The following WWOX variants were observed in gnomAD, a reference collection of about 807,000 sequenced individuals.
WWOX encodes WW domain-containing oxidoreductase.
A neutral mutation model predicts 46.2 loss-of-function variants in WWOX; 69 were observed. The ratio of observed to expected loss-of-function variants is 1.49; its 90% CI spans 1.23 to 1.82. The LOEUF is 1.82. WWOX is among the 40% of genes most tolerant of loss of function. WWOX has a pLI of 0.00. For synonymous variants in WWOX, 359 were observed against 202.6 expected, an observed-to-expected ratio of 1.77 and a Z score of -6.56; for missense variants, 919 against 542.6, an observed-to-expected ratio of 1.69 and a Z score of -6.89.
At chr16:78,434,584 G>A (rs28405739) in intron 8 of WWOX, among the ~76,000 whole-genome samples, 1 of 152,012 alleles carries the variant, frequency 6.6e-6, no homozygotes. Flanking sequence ...AACAAGCCCA[G>A]TCAACCATCA....
intron 8 of WWOX, among the ~76,000 whole-genome samples, chr16:78,530,945 G>C (rs1169166861): frequency 1.3e-5 from 2 of 152,088 alleles, no homozygotes; most frequent in Non-Finnish European, 2.9e-5. Flanking sequence ...CTTAGTTGAG[G>C]GATGAAAAAA....
intron 8 of WWOX, among the ~76,000 whole-genome samples, chr16:78,971,795 A>T (rs2046476218): frequency 6.7e-6 from 1 of 148,192 alleles, no homozygotes; most frequent in South Asian, 2.1e-4. Context: ...GGATTTTCAC[A>T]TGCACATCTG....
At chr16:78,648,146 C>G (rs2046885715) in intron 8 of WWOX, among the ~76,000 whole-genome samples, 1 of 152,214 alleles carries the variant, frequency 6.6e-6, no homozygotes, top group African/African-American at 2.4e-5. Context: ...TGACTGAATA[C>G]ATTACCACCT....
intron 8 of WWOX, among the ~76,000 whole-genome samples, chr16:79,013,524 C>G (rs2047354009): frequency 2.0e-5 from 3 of 152,158 alleles, no homozygotes; most frequent in Admixed American, 2.0e-4. Context: ...CAGGCGTGTG[C>G]AACAGGGACA....
At chr16:78,497,956 A>C (rs915265220) in intron 8 of WWOX, among the ~76,000 whole-genome samples, 10 of 152,110 alleles carry the variant, frequency 6.6e-5, no homozygotes, top group African/African-American at 2.4e-4. Flanking sequence ...TAATGACAGC[A>C]CTTTGGGAGG....
intron 8 of WWOX, among the ~76,000 whole-genome samples, chr16:78,997,111 A>G (rs571603556): frequency 2.7e-5 from 4 of 150,520 alleles, no homozygotes; most frequent in South Asian, 4.3e-4. Flanking sequence ...CTGCTCTTCA[A>G]TGTAGACATA....
At chr16:78,567,211 G>GACC (rs2044590987) in intron 8 of WWOX, among the ~76,000 whole-genome samples, 1 of 152,178 alleles carries the variant, frequency 6.6e-6, no homozygotes. Context: ...CTTTCCCAAA[G>GACC]CTGAGCTGCC....
intron 8 of WWOX, among the ~76,000 whole-genome samples, chr16:78,928,905 C>T (rs1420444765): frequency 6.6e-6 from 1 of 152,076 alleles, no homozygotes; most frequent in Non-Finnish European, 1.5e-5. Context: ...CAGTATTTTC[C>T]CCTAACAATA....
intron 8 of WWOX, among the ~76,000 whole-genome samples, chr16:78,438,456 C>T (rs922317382): frequency 7.2e-6 from 1 of 139,032 alleles, no homozygotes; most frequent in African/African-American, 3.1e-5. Flanking sequence ...CCGCCAACCC[C>T]ACCTTTTTTT....
At chr16:78,871,161 T>A (rs562061884) in intron 8 of WWOX, among the ~76,000 whole-genome samples, 10 of 149,820 alleles carry the variant, frequency 6.7e-5, no homozygotes, top group Non-Finnish European at 1.0e-4. Flanking sequence ...ATTCCCAACT[T>A]TCGTGAAGGT....
intron 8 of WWOX, among the ~76,000 whole-genome samples, chr16:79,116,773 G>C (rs777949413): frequency 6.6e-6 from 1 of 151,708 alleles, no homozygotes; most frequent in Non-Finnish European, 1.5e-5. Flanking sequence ...CATGAATCAC[G>C]AATGTTCTTA....
intron 8 of WWOX, among the ~76,000 whole-genome samples, chr16:79,182,674 G>A (rs946743938): frequency 2.6e-5 from 4 of 152,116 alleles, no homozygotes; most frequent in South Asian, 2.1e-4. Flanking sequence ...TTGTGACACC[G>A]GGCAAGTTAT....
rs2034148235 is a variant in WWOX at position 78,144,942 on chromosome 16, CT to C, written c.410-19240del. 2.0e-5 allele frequency among the ~76,000 whole-genome samples: 3 copies of C among 152,268 alleles called. No individual in the cohort carries two copies. The South Asian group carries it at 6.2e-4, about 32-fold the overall frequency. ...TTATTTTATTCAATTTTCCTAACAG[CT>C]CTTAAGAGTACATCTTATTATTCCC... On this transcript the variant is annotated intron_variant, in intron 4 of 8. Coordinates refer to ENST00000566780, the MANE Select transcript of WWOX (RefSeq NM_016373.4).
intron 8 of WWOX, among the ~76,000 whole-genome samples, chr16:78,442,898 G>C (rs1030195111): frequency 1.3e-5 from 2 of 151,994 alleles, no homozygotes; most frequent in African/African-American, 4.8e-5. Flanking sequence ...CGAGCCGGGC[G>C]AATCACGAGG....
intron 7 of WWOX, 40 bp from the exon 8 acceptor site, chr16:78,432,448 C>G: frequency 1.2e-6 from 2 of 1,609,946 alleles, no homozygotes; most frequent in Non-Finnish European, 1.7e-6. Flanking sequence ...TGTGGGAAGT[C>G]AGAACTTGGT....
chr16:78,876,991 G>A (rs1332227949), intron 8 of WWOX, among the ~76,000 whole-genome samples: 2 of 152,132 alleles, frequency 1.3e-5, no homozygotes, highest in Non-Finnish European at 2.9e-5. Flanking sequence ...TGCCTGTTAA[G>A]TTAACTGGTT....
rs113146422 is a variant in WWOX at position 78,282,457 on chromosome 16, C to G, written c.517-104403C>G. ...CACTGCATTAAGAGCATTCCTGTTT[C>G]CATCTCATTGATACCTGCCTTGCGT... On this transcript the variant is annotated intron_variant, in intron 5 of 8. Transcript: ENST00000566780. Among the ~76,000 whole-genome samples the G allele has an allele frequency of 2.0e-3, 308 of 152,288 alleles. 2 individuals are homozygous for G. Among genetic ancestry groups the G allele is most frequent in the African/African-American group, 6.9e-3 (288 of 41,570 alleles).
chr16:78,330,052 C>T (rs1371434696), intron 5 of WWOX, among the ~76,000 whole-genome samples: 1 of 152,086 alleles, frequency 6.6e-6, no homozygotes, highest in Non-Finnish European at 1.5e-5. Flanking sequence ...CTGCCTGGTG[C>T]TTTCTTTTTG....
At chr16:79,120,851 C>G (rs999382108) in intron 8 of WWOX, among the ~76,000 whole-genome samples, 1 of 152,238 alleles carries the variant, frequency 6.6e-6, no homozygotes, top group Admixed American at 6.5e-5. Flanking sequence ...TCACTGCATC[C>G]TCCATCTCCC....
Sources: allele counts gnomAD v4.1 joint callset (sites outside exome capture counted in the v4.1 genomes callset), GRCh38; gene constraint gnomAD v4.1.1; transcripts MANE v1.5; gene names NCBI Gene and HGNC (gene_info 2026-07-23, HGNC 2026-07-21).